The following CNTN4 variants were observed in gnomAD, a reference collection of about 807,000 sequenced individuals.
CNTN4 encodes the protein contactin 4, also known as contactin-4.
CNTN4 carries 77 observed loss-of-function variants against 122.5 expected under a neutral mutation model. The observed-to-expected ratio is 0.63, with a 90% CI of 0.52 to 0.76. The LOEUF is 0.76. Ranked by LOEUF, CNTN4 falls within the 30% of genes least tolerant of loss-of-function variation. The probability of loss-of-function intolerance (pLI) is 0.00; values close to 1 mark genes in which losing one functional copy is unlikely to be tolerated. For synonymous variants in CNTN4, 512 were observed against 447.0 expected, an observed-to-expected ratio of 1.15 and a Z score of -1.83; for missense variants, 1,256 against 1,259.1, an observed-to-expected ratio of 1.00 and a Z score of 0.04.
intron 3 of CNTN4, among the ~76,000 whole-genome samples, chr3:2,349,624 G>T (rs187064478): frequency 6.6e-6 from 1 of 152,174 alleles, no homozygotes; most frequent in Non-Finnish European, 1.5e-5. Flanking sequence ...ATGTAAAAAT[G>T]ATACATTTGT....
At chr3:2,611,167 G>A (rs2081465641) in intron 4 of CNTN4, among the ~76,000 whole-genome samples, 1 of 151,622 alleles carries the variant, frequency 6.6e-6, no homozygotes, top group Non-Finnish European at 1.5e-5. Context: ...CAAAGTGATG[G>A]ACTTCAAACT....
At chr3:2,846,268 G>A (rs1162189774) in intron 7 of CNTN4, among the ~76,000 whole-genome samples, 1 of 152,100 alleles carries the variant, frequency 6.6e-6, no homozygotes, top group African/African-American at 2.4e-5. Context: ...AAATCATAGG[G>A]GCAGTTACTC....
chr3:2,407,539 T>C (rs779880757), intron 3 of CNTN4, among the ~76,000 whole-genome samples: 2 of 152,128 alleles, frequency 1.3e-5, no homozygotes, highest in South Asian at 2.1e-4. Flanking sequence ...GGAACAAATA[T>C]AAAGAACACT....
chr3:2,953,579 T>A (rs1394657146), intron 13 of CNTN4, among the ~76,000 whole-genome samples: 2 of 152,118 alleles, frequency 1.3e-5, no homozygotes, highest in African/African-American at 4.8e-5. Context: ...CTTCCTCTAG[T>A]CTATAGCCTT....
chr3:2,840,699 C>CA (rs994602786), intron 7 of CNTN4, among the ~76,000 whole-genome samples: 2 of 150,512 alleles, frequency 1.3e-5, no homozygotes, highest in African/African-American at 2.4e-5. Flanking sequence ...ACTCCGTCTC[C>CA]AAAAAATAAA....
At chr3:2,174,949 A>G (rs1024330088) in intron 2 of CNTN4, among the ~76,000 whole-genome samples, 2 of 152,144 alleles carry the variant, frequency 1.3e-5, no homozygotes, top group Non-Finnish European at 2.9e-5. Flanking sequence ...ATCCTCCCCC[A>G]TGATCCAGTC....
intron 3 of CNTN4, among the ~76,000 whole-genome samples, chr3:2,448,761 C>A (rs1273234999): frequency 5.9e-5 from 9 of 152,136 alleles, no homozygotes; most frequent in Non-Finnish European, 1.5e-5. Context: ...GTTAACTCTG[C>A]CCTGGTTGTC....
At position 2,308,916 on chromosome 3, in the gene CNTN4, C is replaced by T. The variant is rs370781124; in HGVS notation, c.-144-30262C>T. Among the ~76,000 whole-genome samples the T allele has an allele frequency of 4.6e-5, 7 of 152,086 alleles. No homozygotes were observed. In the East Asian group the frequency reaches 7.7e-4, roughly 17 times the overall value. On this transcript the variant is annotated intron_variant, in intron 2 of 24. Coordinates refer to ENST00000418658, the MANE Select transcript of CNTN4 (RefSeq NM_175607.3). ...TAAGTTGAAAAATGTTTTCAATGCA[C>T]TTAAGAAGAATGTGTATTCTACTGT...
At chr3:2,261,116 T>C (rs931604104) in intron 2 of CNTN4, among the ~76,000 whole-genome samples, 5 of 152,208 alleles carry the variant, frequency 3.3e-5, no homozygotes, top group Non-Finnish European at 4.4e-5. Flanking sequence ...ATTGTCAAAA[T>C]AAATGAACAC....
At chr3:2,407,686 A>G (rs1575568975) in intron 3 of CNTN4, among the ~76,000 whole-genome samples, 1 of 152,174 alleles carries the variant, frequency 6.6e-6, no homozygotes. Flanking sequence ...ATAGCACTGT[A>G]TGTTAAAATT....
At chr3:2,706,233 G>A (rs1414302441) in intron 4 of CNTN4, among the ~76,000 whole-genome samples, 1 of 151,800 alleles carries the variant, frequency 6.6e-6, no homozygotes, top group Non-Finnish European at 1.5e-5. Context: ...ACAATAGAAT[G>A]TATTTTGTGT....
rs372280758 is a variant in CNTN4 at position 2,767,525 on chromosome 3, TTTTTTG to T, written c.358+21852_358+21857del. On this transcript the variant is annotated intron_variant, in intron 6 of 24. Transcript: ENST00000418658. ...TATTACCTTTACTGAGTGAGTGGGC[TTTTTTG>T]TTTTTGTTTTTGTTTTTGTTTTTTA... Among the ~76,000 whole-genome samples the T allele has an allele frequency of 5.9e-3, 903 of 152,244 alleles. 7 individuals are homozygous for T. Among genetic ancestry groups the T allele is most frequent in the African/African-American group, 0.019 (802 of 41,502 alleles).
intron 4 of CNTN4, among the ~76,000 whole-genome samples, chr3:2,583,384 G>A (rs879524481): frequency 6.6e-5 from 10 of 152,194 alleles, no homozygotes; most frequent in African/African-American, 2.4e-4. Context: ...AGTTCACATG[G>A]CTAAGTGCTT....
chr3:2,287,711 GGAAGAAGAAGAAGAAGAAGAA>G lies in CNTN4; in HGVS notation c.-144-51420_-144-51400del, dbSNP rs56014308. Among the ~76,000 whole-genome samples the G allele has an allele frequency of 9.9e-3, 649 of 65,488 alleles. 14 individuals carry two copies. The highest frequency in any genetic ancestry group is 0.031 in the East Asian group (59 of 1,926). The allele number at this position is 65,488 out of a possible 152,430, so 43.0% of individuals were successfully genotyped here. Reference sequence around the variant, plus strand: ...AAGAAGAGGAAGAAGAAGAAGAAGAGGAAGAAGAAGAAGAAGAAGAAGAAGAAGAAGAAGAAGAAGAAGAAG... The same window carrying G: ...AAGAAGAGGAAGAAGAAGAAGAAGAGGAAGAAGAAGAAGAAGAAGAAGAAG... On this transcript the variant is annotated intron_variant, in intron 2 of 24. Coordinates refer to ENST00000418658, the MANE Select transcript of CNTN4 (RefSeq NM_175607.3).
intron 4 of CNTN4, chr3:2,735,926 A>G (rs1237689630): frequency 1.8e-6 from 1 of 543,172 alleles, no homozygotes; most frequent in Non-Finnish European, 3.6e-6. Flanking sequence ...GACAAGCAGA[A>G]CAATACATAG....
intron 12 of CNTN4, among the ~76,000 whole-genome samples, chr3:2,921,832 T>C (rs1464502981): frequency 6.6e-6 from 1 of 152,168 alleles, no homozygotes; most frequent in Non-Finnish European, 1.5e-5. Context: ...CTTTTAAGTT[T>C]TTGAGGGGTT....
At chr3:2,915,132 C>T (rs2094339925) in intron 12 of CNTN4, among the ~76,000 whole-genome samples, 1 of 152,162 alleles carries the variant, frequency 6.6e-6, no homozygotes, top group African/African-American at 2.4e-5. Flanking sequence ...GTGTTGTGAT[C>T]TTGGCTCACT....
chr3:2,709,448 T>G lies in CNTN4; in HGVS notation c.56-26767T>G, dbSNP rs559654115. Reference sequence around the variant, plus strand: ...TCAAAGTTCCCTCAGGTGATCATCGTGTGCAATGGGGGATGGGAACTACTG... The same window carrying G: ...TCAAAGTTCCCTCAGGTGATCATCGGGTGCAATGGGGGATGGGAACTACTG... On this transcript the variant is annotated intron_variant, in intron 4 of 24. Coordinates refer to ENST00000418658, the MANE Select transcript of CNTN4 (RefSeq NM_175607.3). This position sits in a 1 kb window ranked among gnomAD's most constrained non-coding sequence, Gnocchi z 5.0. Among the ~76,000 whole-genome samples, 3 of 152,096 alleles carry G rather than the reference T, an allele frequency of 2.0e-5. No homozygotes were observed. The highest frequency in any genetic ancestry group is 4.4e-5 in the Non-Finnish European group (3 of 68,010).
chr3:2,440,744 G>A (rs992827102), intron 3 of CNTN4, among the ~76,000 whole-genome samples: 4 of 149,912 alleles, frequency 2.7e-5, no homozygotes, highest in African/African-American at 7.3e-5. Context: ...GTGTATGAAT[G>A]AATATATGTG....
Sources: allele counts gnomAD v4.1 joint callset (sites outside exome capture counted in the v4.1 genomes callset), GRCh38; gene constraint gnomAD v4.1.1; non-coding constraint Gnocchi (gnomAD v3.1); transcripts MANE v1.5; gene names NCBI Gene and HGNC (gene_info 2026-07-23, HGNC 2026-07-21).